MSANTD2: variants seen among roughly 807,000 people sequenced by gnomAD.
MSANTD2 encodes myb/SANT-like DNA-binding domain-containing protein 2.
Under a neutral mutation model 52.6 loss-of-function variants are expected in MSANTD2, and 19 were observed. The ratio of observed to expected loss-of-function variants is 0.36; its 90% confidence interval spans 0.25 to 0.53. The LOEUF (loss-of-function observed/expected upper bound fraction) is 0.53, where lower values mean the gene tolerates loss of function less well. Ranked by LOEUF, MSANTD2 falls within the 20% of genes least tolerant of loss-of-function variation. MSANTD2 has a pLI of 0.91. For missense variants in MSANTD2, 558 were observed against 716.3 expected (o/e 0.78, Z 2.52); for synonymous variants, 291 against 289.7 (o/e 1.00, Z -0.04).
At chr11:124,791,732 G>A in intron 1 of MSANTD2, 1 of 776,914 alleles carries the variant, frequency 1.3e-6, no homozygotes, top group East Asian at 2.8e-5. Flanking sequence ...CACAGAGACT[G>A]GGGTGAAAAG....
At chr11:124,768,076 G>A (rs944333972) in intron 3 of MSANTD2, 48 bp from the exon 4 acceptor site, 1 of 1,532,414 alleles carries the variant, frequency 6.5e-7, no homozygotes, top group Non-Finnish European at 8.8e-7. Flanking sequence ...TAGAACAGCG[G>A]TGTCAGATAG....
At chr11:124,773,848 A>G (rs1944634116) in intron 2 of MSANTD2, among the ~76,000 whole-genome samples, 1 of 152,208 alleles carries the variant, frequency 6.6e-6, no homozygotes, top group Non-Finnish European at 1.5e-5. Context: ...GGGCTGCCTG[A>G]GTACCAAGGG....
At chr11:124,791,961 A>G (rs1945346144) in intron 1 of MSANTD2, 1 of 240,360 alleles carries the variant, frequency 4.2e-6, no homozygotes, top group African/African-American at 2.3e-5. Context: ...TAATATTTAC[A>G]AAGCACTTAG....
At chr11:124,799,671 A>G (rs554666607) in intron 1 of MSANTD2, among the ~76,000 whole-genome samples, 200 bp downstream of exon 1, 5 of 152,266 alleles carry the variant, frequency 3.3e-5, no homozygotes, top group African/African-American at 9.6e-5. Context: ...CCAACTTCAA[A>G]CTCAGGAAAC....
At position 124,800,262 on chromosome 11, in the gene MSANTD2, T is replaced by C. The variant is rs1445115804; in HGVS notation, c.119A>G (p.Asp40Gly). 5 of 1,562,632 alleles carry C rather than the reference T, an allele frequency of 3.2e-6. No homozygotes were observed. In the Admixed American group the frequency reaches 5.6e-5, roughly 17 times the overall value. ...GGAGGCACCCCGAGGCGTGGAAGGG[T>C]CGGACAGCGATGGATTTCCGTCGCT... Reference protein sequence around the residue: ...GLSDGNPSLSDPSTPRGASPL... With the variant: ...GLSDGNPSLSGPSTPRGASPL... Residue 40 changes from aspartate to glycine, a missense_variant, in exon 1 of 4, where the codon GAC becomes GGC. By Grantham distance (94) the Asp-to-Gly change is moderately conservative (BLOSUM62 -1). This residue lies in a region of MSANTD2 where 150 missense variants were observed against 142.7 expected (regional missense o/e 1.05). Coordinates refer to ENST00000374979, the MANE Select transcript of MSANTD2 (RefSeq NM_001308027.2). The surrounding 1 kb of genome is among the most constrained non-coding windows in gnomAD (Gnocchi z 4.3).
At chr11:124,790,454 G>T (rs1024087300) in intron 1 of MSANTD2, 6 of 152,210 alleles carry the variant, frequency 3.9e-5, no homozygotes, top group Admixed American at 3.9e-4. Flanking sequence ...TGTCTCACAG[G>T]TTAGGATCTA....
chr11:124,768,319 G>A (rs1376976251), intron 3 of MSANTD2, among the ~76,000 whole-genome samples: 1 of 152,140 alleles, frequency 6.6e-6, no homozygotes, highest in African/African-American at 2.4e-5. Context: ...ATGATAAACT[G>A]CTTTCCATGA....
At chr11:124,799,130 A>T (rs2135280428) in intron 1 of MSANTD2, among the ~76,000 whole-genome samples, 1 of 152,336 alleles carries the variant, frequency 6.6e-6, no homozygotes, top group African/African-American at 2.4e-5. Context: ...AAGCAGGGAA[A>T]AACTGGCTTT....
At chr11:124,784,789 G>A (rs1327434222) in intron 1 of MSANTD2, 2 of 457,888 alleles carry the variant, frequency 4.4e-6, no homozygotes, top group Non-Finnish European at 5.7e-6. Context: ...CTGATAGGCA[G>A]ATAAAATCAT....
At chr11:124,784,840 T>C (rs1269556412) in intron 1 of MSANTD2, 1 of 168,976 alleles carries the variant, frequency 5.9e-6, no homozygotes, top group African/African-American at 2.4e-5. Flanking sequence ...TCAAGACCTC[T>C]GGGTACAAAC....
At chr11:124,790,028 T>C (rs765115952) in intron 1 of MSANTD2, 2 of 152,254 alleles carry the variant, frequency 1.3e-5, no homozygotes, top group South Asian at 2.1e-4. Context: ...AGTTTTTCCT[T>C]CTATTTTATT....
rs75264718 is a variant in MSANTD2, at chr11:124,778,785, T to A, written c.511-3811A>T. ...CAATTTATAGGACAGAGTGAAAGTT[T>A]TGCCAAAGTTTAAGATTAGAGTAAA... On this transcript the variant is annotated intron_variant, in intron 1 of 3. Coordinates refer to ENST00000374979, the MANE Select transcript of MSANTD2 (RefSeq NM_001308027.2). 7.6e-3 allele frequency among the ~76,000 whole-genome samples: 1,163 copies of A among 152,242 alleles called. 19 individuals carry two copies. The highest frequency in any genetic ancestry group is 0.026 in the African/African-American group (1,095 of 41,538).
At position 124,772,811 on chromosome 11, in the gene MSANTD2, C is replaced by T. The variant is rs141169573; in HGVS notation, c.827+183G>A. On this transcript the variant is annotated intron_variant, in intron 3 of 3. Transcript: ENST00000374979. The stretch of plus-strand genomic sequence containing the variant: ...ACAGTTCCTGGAATTACCAGTGATG[C>T]TATGTTTGTGATGCTTTCTAATAGC... Among the ~76,000 whole-genome samples the T allele has an allele frequency of 5.1e-3, 748 of 147,410 alleles. 27 individuals are homozygous for T. The highest frequency in any genetic ancestry group is 0.046 in the Admixed American group (681 of 14,820).
At chr11:124,787,179 C>T (rs1390007643) in intron 1 of MSANTD2, among the ~76,000 whole-genome samples, 3 of 152,036 alleles carry the variant, frequency 2.0e-5, no homozygotes, top group African/African-American at 7.2e-5. Flanking sequence ...GACCAAGGGG[C>T]CTTATGAATT....
At chr11:124,770,539 T>C (rs548194827) in intron 3 of MSANTD2, among the ~76,000 whole-genome samples, 24 of 152,254 alleles carry the variant, frequency 1.6e-4, no homozygotes, top group African/African-American at 5.8e-4. Flanking sequence ...GCTCAAGCAA[T>C]CCTCCCGCCT....
rs1372275746 is a variant in MSANTD2, at chr11:124,768,014, A to G, written c.842T>C (p.Met281Thr). 5 of 1,602,114 alleles carry G rather than the reference A, an allele frequency of 3.1e-6. No individual in the cohort carries two copies. The highest frequency in any genetic ancestry group is 1.3e-5 in the African/African-American group (1 of 74,656). ...SSEEAQKRDI[M>T]QNIVQILESV... ...TTCCAAAATCTGTACAATATTCTGC[A>G]TGATGTCTCTCTTCCTGGAAAGACA... The change falls in exon 4 of 4, where the codon ATG becomes ACG. Residue 281 changes from methionine to threonine, a missense_variant. This residue lies in a region of MSANTD2 where 408 missense variants were observed against 573.6 expected (regional missense o/e 0.71). Transcript: ENST00000374979.
chr11:124,796,570 T>C (rs1945500534), intron 1 of MSANTD2, among the ~76,000 whole-genome samples: 1 of 152,126 alleles, frequency 6.6e-6, no homozygotes, highest in Non-Finnish European at 1.5e-5. Flanking sequence ...CCTCACCCTC[T>C]AAAGTAGCTG....
rs747415042 is a variant in MSANTD2, at chr11:124,774,690, A to C, written c.766+29T>G. ...TAAAGGTATATAAATATACACAAAC[A>C]TAAGTATCATATATGTTGGCTTTCT... On this transcript the variant is annotated intron_variant, in intron 2 of 3. Coordinates refer to ENST00000374979, the MANE Select transcript of MSANTD2 (RefSeq NM_001308027.2). This position sits in a 1 kb window ranked among gnomAD's most constrained non-coding sequence, Gnocchi z 5.1. 20 of 1,605,906 alleles carry C rather than the reference A, an allele frequency of 1.2e-5. No individual in the cohort carries two copies. Among genetic ancestry groups the C allele is most frequent in the Non-Finnish European group, 1.7e-5 (20 of 1,174,296 alleles).
chr11:124,797,335 C>T (rs1945527278), intron 1 of MSANTD2, among the ~76,000 whole-genome samples: 1 of 151,998 alleles, frequency 6.6e-6, no homozygotes, highest in African/African-American at 2.4e-5. Flanking sequence ...AACAAAAATA[C>T]AAAATTTAAA....
Sources: gnomAD v4.1 joint callset for allele counts (sites outside exome capture counted in the v4.1 genomes callset) on GRCh38, gnomAD v4.1.1 for gene constraint, gnomAD v4.1.1 regional missense constraint, Gnocchi (gnomAD v3.1) non-coding constraint, MANE v1.5 for transcripts, NCBI Gene and HGNC (gene_info 2026-07-23, HGNC 2026-07-21) for gene names.